The following ADAMTS18 variants were observed in gnomAD, a reference collection of about 807,000 sequenced individuals.
The protein encoded by ADAMTS18 is A disintegrin and metalloproteinase with thrombospondin motifs 18.
In ADAMTS18, 157 loss-of-function variants were observed where a neutral mutation model predicts 165.9. The observed-to-expected ratio is 0.95, with a 90% confidence interval of 0.83 to 1.08. ADAMTS18 has a LOEUF of 1.08. Ranked by LOEUF, ADAMTS18 falls within the 50% of genes least tolerant of loss-of-function variation. The probability of loss-of-function intolerance (pLI) is 0.00; values close to 1 mark genes in which losing one functional copy is unlikely to be tolerated. For synonymous variants in ADAMTS18, 782 were observed against 578.2 expected, an observed-to-expected ratio of 1.35 and a Z score of -5.06; for missense variants, 2,040 against 1,534.0, an observed-to-expected ratio of 1.33 and a Z score of -5.51.
At chr16:77,285,265 T>G (rs2055225960) in intron 22 of ADAMTS18, among the ~76,000 whole-genome samples, 1 of 152,154 alleles carries the variant, frequency 6.6e-6, no homozygotes, top group African/African-American at 2.4e-5. Context: ...CTCCGCCTCA[T>G]GTATTCAAAT....
In ADAMTS18 at chr16:77,434,494, C is replaced by G. The variant is rs756543196; in HGVS notation, c.102G>C (p.Leu34=). ...CGACCGACGCACAGCAGAGGCAGCA[C>G]AGCTGGAGCGCCTGCAAGAGAAAAG... ...GLGRVAKALQ[L]CCLCCASVAA... The change falls in exon 2 of 23, where the codon CTG becomes CTC. Residue 34 remains leucine (L), a synonymous_variant. Transcript: ENST00000282849. 7.0e-6 allele frequency: 11 copies of G among 1,563,570 alleles called. No individual in the cohort carries two copies. In the South Asian group the frequency reaches 1.0e-4, roughly 15 times the overall value.
At chr16:77,323,434 A>AT (rs913133539) in intron 13 of ADAMTS18, among the ~76,000 whole-genome samples, 1 of 152,070 alleles carries the variant, frequency 6.6e-6, no homozygotes, top group Non-Finnish European at 1.5e-5. Context: ...CCCATCTATA[A>AT]TTTTTTTTAA....
intron 8 of ADAMTS18, among the ~76,000 whole-genome samples, chr16:77,358,939 G>GT (rs538991508): frequency 3.0e-4 from 46 of 152,212 alleles, no homozygotes; most frequent in African/African-American, 1.0e-3. Flanking sequence ...TGCAGCAAAA[G>GT]TTTTTTTAAA....
chr16:77,339,309 T>C (rs957824246), intron 11 of ADAMTS18, among the ~76,000 whole-genome samples: 2 of 152,102 alleles, frequency 1.3e-5, no homozygotes, highest in Non-Finnish European at 2.9e-5. Flanking sequence ...GAGGGTGACA[T>C]TACACTTAAG....
At chr16:77,419,170 T>C (rs576457973) in intron 3 of ADAMTS18, among the ~76,000 whole-genome samples, 8 of 152,092 alleles carry the variant, frequency 5.3e-5, no homozygotes, top group African/African-American at 1.4e-4. Flanking sequence ...AAATCAATTA[T>C]TAACTCCCAG....
chr16:77,341,578 T>C, intron 11 of ADAMTS18, 126 bp downstream of exon 11: 1 of 783,140 alleles, frequency 1.3e-6, no homozygotes. Context: ...ATAATGTTGT[T>C]AATATGAAGA....
intron 8 of ADAMTS18, 31 bp from the exon 9 acceptor site, chr16:77,356,108 C>T (rs376515280): frequency 2.5e-6 from 4 of 1,613,878 alleles, no homozygotes; most frequent in East Asian, 2.2e-5. Flanking sequence ...CAAAATCCTG[C>T]TTTGTGAACC....
chr16:77,424,660 C>A (rs760042273), intron 3 of ADAMTS18, among the ~76,000 whole-genome samples: 3 of 152,048 alleles, frequency 2.0e-5, no homozygotes, highest in Admixed American at 6.6e-5. Context: ...ATTCTCTTCA[C>A]AAATCATGTC....
Position 77,321,902 on chromosome 16 carries a change from T to C in ADAMTS18, c.2163+434A>G, listed in dbSNP as rs981368167. ...CAGGCGTGGTGGCTCACGCCTATAA[T>C]CCCAGCACTTTGGGAGGCTGAAGCG... On this transcript the variant is annotated intron_variant, in intron 14 of 22. Coordinates refer to ENST00000282849, the MANE Select transcript of ADAMTS18 (RefSeq NM_199355.4). 2.9e-4 allele frequency among the ~76,000 whole-genome samples: 44 copies of C among 151,986 alleles called. 1 individual carries two copies. Among genetic ancestry groups the C allele is most frequent in the African/African-American group, 1.1e-3 (44 of 41,398 alleles).
At chr16:77,359,179 G>T (rs1281862124) in intron 8 of ADAMTS18, 139 bp downstream of exon 8, 2 of 794,360 alleles carry the variant, frequency 2.5e-6, no homozygotes, top group Non-Finnish European at 4.2e-6. Flanking sequence ...TGAGCCCTTT[G>T]TATAGTCAGA....
chr16:77,289,131 CTG>C, intron 22 of ADAMTS18, 131 bp downstream of exon 22: 2 of 1,161,364 alleles, frequency 1.7e-6, no homozygotes, highest in East Asian at 4.7e-5. Flanking sequence ...CCAGGGAGCA[CTG>C]TCACATAGAC....
rs776927160 is a variant in ADAMTS18 at position 77,322,468 on chromosome 16, T to C, written c.2033-2A>G. The C allele has an allele frequency of 1.2e-6, 2 of 1,613,768 alleles. No individual in the cohort carries two copies. The highest frequency in any genetic ancestry group is 1.7e-6 in the Non-Finnish European group (2 of 1,179,900). ...AGTACAGTTTGCATCGATCTTCCTC[T>C]AGAAACAAAGAGATCAAGATAGGAA... On this transcript the variant is annotated splice_acceptor_variant, in intron 13 of 22. Transcript: ENST00000282849. LOFTEE classifies it high-confidence loss of function.
At position 77,283,672 on chromosome 16, in the gene ADAMTS18, GTGATTCACCA is replaced by G. The variant is rs1433534625; in HGVS notation, c.*274_*283del. 1.0e-5 allele frequency: 4 copies of G among 394,074 alleles called. No homozygotes were observed. Among genetic ancestry groups the G allele is most frequent in the Non-Finnish European group, 1.9e-5 (4 of 211,138 alleles). 24.4% of individuals were successfully genotyped at this position (394,074 alleles called of 1,614,324 possible). ...TCTCCCCAAATCGACGTATCTCAGT[GTGATTCACCA>G]CTTCTTGCATATAACAGTGCAAATC... On this transcript the variant is annotated 3_prime_UTR_variant, in exon 23 of 23. Transcript: ENST00000282849.
Position 77,300,374 on chromosome 16 carries a change from C to T in ADAMTS18, c.2563G>A (p.Ala855Thr). The T allele has an allele frequency of 6.2e-7, 1 of 1,614,054 alleles. No individual in the cohort carries two copies. ...ILMQGKNPGI[A>T]WKYALPKVMN... ...ACCTTGGGAAGTGCATACTTCCAAG[C>T]TATCCCTGGATTTTTGCCTTGCATC... The change falls in exon 17 of 23, where the codon GCT becomes ACT. Residue 855 changes from alanine to threonine, a missense_variant. By Grantham distance (58) the Ala-to-Thr change is moderately conservative. Coordinates refer to ENST00000282849, the MANE Select transcript of ADAMTS18 (RefSeq NM_199355.4).
intron 3 of ADAMTS18, among the ~76,000 whole-genome samples, chr16:77,412,299 C>T (rs767392677): frequency 8.5e-5 from 13 of 152,076 alleles, no homozygotes; most frequent in African/African-American, 7.2e-5. Flanking sequence ...GTCTTTATAA[C>T]GCATGAGTCA....
At chr16:77,338,893 G>A (rs1402893282) in intron 11 of ADAMTS18, among the ~76,000 whole-genome samples, 2 of 150,614 alleles carry the variant, frequency 1.3e-5, no homozygotes, top group African/African-American at 4.9e-5. Flanking sequence ...GATGGAGCCT[G>A]CAGTGAGCCA....
intron 3 of ADAMTS18, among the ~76,000 whole-genome samples, chr16:77,428,064 C>T (rs182185133): frequency 1.3e-5 from 2 of 152,338 alleles, no homozygotes; most frequent in African/African-American, 4.8e-5. Context: ...CTAATATACA[C>T]TGCATGCACA....
intron 11 of ADAMTS18, among the ~76,000 whole-genome samples, chr16:77,340,012 G>A (rs888051130): frequency 6.6e-6 from 1 of 152,104 alleles, no homozygotes; most frequent in African/African-American, 2.4e-5. Flanking sequence ...CTTGATGCAT[G>A]TACTTGTTGT....
chr16:77,314,549 T>C (rs1169825680), intron 16 of ADAMTS18, among the ~76,000 whole-genome samples: 1 of 147,752 alleles, frequency 6.8e-6, no homozygotes, highest in African/African-American at 2.5e-5. Context: ...TAGGCGGAGG[T>C]TGCAGTGAGC....
Sources: allele counts gnomAD v4.1 joint callset (sites outside exome capture counted in the v4.1 genomes callset), GRCh38; gene constraint gnomAD v4.1.1; transcripts MANE v1.5; gene names NCBI Gene and HGNC (gene_info 2026-07-23, HGNC 2026-07-21).